The following TAX1BP1 variants were observed in gnomAD, a reference collection of about 807,000 sequenced individuals.
TAX1BP1 encodes the protein Tax1 binding protein 1.
Under a neutral mutation model 97.7 loss-of-function variants are expected in TAX1BP1, and 62 were observed. That is an observed-to-expected ratio of 0.63 (90% confidence interval 0.52 to 0.78). The LOEUF (loss-of-function observed/expected upper bound fraction) is 0.78, where lower values mean the gene tolerates loss of function less well. Among genes scored for constraint, TAX1BP1 ranks in the 30% least tolerant of loss-of-function variants. The pLI, the probability that TAX1BP1 is intolerant of heterozygous loss-of-function variation, is 0.00. For synonymous variants in TAX1BP1, 340 were observed against 304.2 expected, an observed-to-expected ratio of 1.12 and a Z score of -1.23; for missense variants, 867 against 916.1, an observed-to-expected ratio of 0.95 and a Z score of 0.69.
At chr7:27,826,300 G>C (rs1791175776) in intron 15 of TAX1BP1, among the ~76,000 whole-genome samples, 1 of 152,146 alleles carries the variant, frequency 6.6e-6, no homozygotes, top group Non-Finnish European at 1.5e-5. Context: ...TATCCTATGG[G>C]ACTCACAGAT....
At chr7:27,794,475 G>C (rs201141141) in intron 11 of TAX1BP1, 29 bp downstream of exon 11, 1 of 1,568,240 alleles carries the variant, frequency 6.4e-7, no homozygotes, top group East Asian at 2.3e-5. Flanking sequence ...TTTTGTGTAG[G>C]GTGTCCTACA....
chr7:27,769,481 A>G (rs1788763303), intron 4 of TAX1BP1, among the ~76,000 whole-genome samples, 195 bp from the exon 5 acceptor site: 1 of 152,012 alleles, frequency 6.6e-6, no homozygotes, highest in Non-Finnish European at 1.5e-5. Context: ...AACCAAAAGA[A>G]GGTTTAAATT....
chr7:27,824,472 G>C (rs974359551), intron 15 of TAX1BP1, among the ~76,000 whole-genome samples: 16 of 149,524 alleles, frequency 1.1e-4, no homozygotes, highest in Admixed American at 6.7e-5. Flanking sequence ...GAGGATTGCT[G>C]GAGTCCAGGA....
intron 3 of TAX1BP1, among the ~76,000 whole-genome samples, chr7:27,760,264 T>TA (rs1027620221): frequency 3.3e-5 from 5 of 152,156 alleles, no homozygotes; most frequent in Admixed American, 6.5e-5. Flanking sequence ...GAAAAACCTT[T>TA]AAAAAACCAA....
intron 15 of TAX1BP1, among the ~76,000 whole-genome samples, chr7:27,820,053 A>G (rs1790915866): frequency 6.6e-6 from 1 of 152,204 alleles, no homozygotes; most frequent in Non-Finnish European, 1.5e-5. Flanking sequence ...ACTGCATTTA[A>G]CAAAATCTTT....
intron 12 of TAX1BP1, among the ~76,000 whole-genome samples, chr7:27,799,243 T>G (rs2128319884): frequency 6.6e-6 from 1 of 152,342 alleles, no homozygotes; most frequent in South Asian, 2.1e-4. Context: ...TAAAAGATTT[T>G]CCTCTCCATT....
intron 13 of TAX1BP1, among the ~76,000 whole-genome samples, chr7:27,814,464 A>G (rs1033175610): frequency 3.3e-5 from 5 of 152,136 alleles, no homozygotes; most frequent in Non-Finnish European, 5.9e-5. Flanking sequence ...TGGGGGGGGA[A>G]TTAATAGCAT....
intron 7 of TAX1BP1, among the ~76,000 whole-genome samples, chr7:27,786,835 G>T (rs1368080838): frequency 6.6e-6 from 1 of 152,182 alleles, no homozygotes; most frequent in East Asian, 1.9e-4. Context: ...TACACTACAG[G>T]TCTGTATTTA....
intron 13 of TAX1BP1, among the ~76,000 whole-genome samples, 187 bp from the exon 14 acceptor site, chr7:27,816,162 T>A (rs920976824): frequency 6.6e-6 from 1 of 152,256 alleles, no homozygotes; most frequent in African/African-American, 2.4e-5. Context: ...TTTCTGATTT[T>A]GTTATATGTG....
chr7:27,811,155 G>A (rs1476068020), intron 13 of TAX1BP1, among the ~76,000 whole-genome samples: 1 of 152,120 alleles, frequency 6.6e-6, no homozygotes. Flanking sequence ...GGTGTGCTAG[G>A]TATCTTGAAA....
chr7:27,802,065 G>T (rs1194734729), intron 13 of TAX1BP1, among the ~76,000 whole-genome samples: 11 of 152,198 alleles, frequency 7.2e-5, no homozygotes, highest in Non-Finnish European at 1.5e-4. Flanking sequence ...TTCAGAAGTG[G>T]AGCGCGTAGT....
chr7:27,770,769 T>TG (rs1439997689), intron 5 of TAX1BP1, among the ~76,000 whole-genome samples: 1 of 152,124 alleles, frequency 6.6e-6, no homozygotes, highest in Non-Finnish European at 1.5e-5. Flanking sequence ...TTTCCTTGCT[T>TG]TGTTCTATTT....
At chr7:27,794,285 C>A in intron 10 of TAX1BP1, 38 bp from the exon 11 acceptor site, 2 of 1,534,578 alleles carry the variant, frequency 1.3e-6, no homozygotes, top group Non-Finnish European at 1.8e-6. Context: ...ATAACTAATT[C>A]ATTGACTCAT....
chr7:27,789,613 G>T (rs1249626762), intron 8 of TAX1BP1, among the ~76,000 whole-genome samples: 1 of 151,676 alleles, frequency 6.6e-6, no homozygotes, highest in Non-Finnish European at 1.5e-5. Flanking sequence ...TAAGTTGCTA[G>T]TTACTCCATA....
intron 13 of TAX1BP1, among the ~76,000 whole-genome samples, chr7:27,814,085 C>T (rs1011964037): frequency 8.0e-5 from 12 of 149,758 alleles, no homozygotes; most frequent in South Asian, 2.1e-4. Flanking sequence ...TGTGAGCCAC[C>T]GCACTTGGCC....
chr7:27,752,686 G>T (rs1290437563), intron 2 of TAX1BP1, among the ~76,000 whole-genome samples: 1 of 152,074 alleles, frequency 6.6e-6, no homozygotes, highest in Non-Finnish European at 1.5e-5. Context: ...TGATTGATTA[G>T]TTTTAATTAT....
chr7:27,809,181 A>G (rs1268148872), intron 13 of TAX1BP1, among the ~76,000 whole-genome samples: 2 of 152,228 alleles, frequency 1.3e-5, no homozygotes, highest in African/African-American at 2.4e-5. Context: ...TGAGATGGCT[A>G]CAACAAATGT....
At chr7:27,808,172 T>G (rs912090752) in intron 13 of TAX1BP1, among the ~76,000 whole-genome samples, 2 of 152,146 alleles carry the variant, frequency 1.3e-5, no homozygotes, top group African/African-American at 2.4e-5. Flanking sequence ...TTCAAAGTCC[T>G]TAGCAGACAG....
At chr7:27,812,941 C>A (rs920279127) in intron 13 of TAX1BP1, among the ~76,000 whole-genome samples, 27 of 152,140 alleles carry the variant, frequency 1.8e-4, no homozygotes, top group African/African-American at 6.3e-4. Context: ...TCATCTATGA[C>A]TGCAATTGCA....
Sources: allele counts gnomAD v4.1 joint callset (sites outside exome capture counted in the v4.1 genomes callset), GRCh38; gene constraint gnomAD v4.1.1; transcripts MANE v1.5; gene names NCBI Gene and HGNC (gene_info 2026-07-23, HGNC 2026-07-21).